COL25A1: variants seen among roughly 807,000 people sequenced by gnomAD.
The protein encoded by COL25A1 is collagen alpha-1(XXV) chain.
In COL25A1, 103 loss-of-function variants were observed where a neutral mutation model predicts 128.4. The observed-to-expected ratio is 0.80, with a 90% CI of 0.68 to 0.94. The LOEUF (loss-of-function observed/expected upper bound fraction) is 0.94, where lower values mean the gene tolerates loss of function less well. Among genes scored for constraint, COL25A1 ranks in the 40% least tolerant of loss-of-function variants. The pLI is 0.00. For missense variants in COL25A1, 745 were observed against 840.0 expected (o/e 0.89, Z 1.40); for synonymous variants, 279 against 277.2 (o/e 1.01, Z -0.06).
At chr4:108,994,358 G>A (rs373708952) in intron 6 of COL25A1, among the ~76,000 whole-genome samples, 38 of 152,344 alleles carry the variant, frequency 2.5e-4, no homozygotes, top group African/African-American at 7.0e-4. Context: ...CACTGCTAGC[G>A]CAGAAGTCTG....
At chr4:108,892,521 C>G (rs1223675164) in intron 16 of COL25A1, among the ~76,000 whole-genome samples, 1 of 152,146 alleles carries the variant, frequency 6.6e-6, no homozygotes, top group Non-Finnish European at 1.5e-5. Flanking sequence ...ATGCTGAGAG[C>G]TGGGAGATAA....
chr4:108,899,627 G>A (rs1578702372), intron 14 of COL25A1, among the ~76,000 whole-genome samples: 1 of 152,064 alleles, frequency 6.6e-6, no homozygotes, highest in East Asian at 1.9e-4. Flanking sequence ...GGTCTAGGGT[G>A]CCAGGGTAGT....
At chr4:109,185,216 G>C (rs1017598261) in intron 3 of COL25A1, among the ~76,000 whole-genome samples, 4 of 152,166 alleles carry the variant, frequency 2.6e-5, no homozygotes, top group Non-Finnish European at 5.9e-5. Flanking sequence ...GGAAATACTT[G>C]TTTATGATAG....
Position 108,890,829 on chromosome 4 carries a change from C to T in COL25A1, c.907-1096G>A, listed in dbSNP as rs1046763703. ...ACATAAGGCCTCAGGCCTCTGTACA[C>T]GGGCCACTTGCCCAGCTCCCTCAAT... On this transcript the variant is annotated intron_variant, in intron 16 of 37. Coordinates refer to ENST00000399132, the MANE Select transcript of COL25A1 (RefSeq NM_198721.4). 3.9e-5 allele frequency among the ~76,000 whole-genome samples: 6 copies of T among 152,138 alleles called. 1 individual carries two copies. The highest frequency in any genetic ancestry group is 1.3e-4 in the Admixed American group (2 of 15,276).
chr4:109,120,026 A>C (rs974642068), intron 3 of COL25A1, among the ~76,000 whole-genome samples: 1 of 152,126 alleles, frequency 6.6e-6, no homozygotes, highest in Non-Finnish European at 1.5e-5. Context: ...AGGCTAAAAA[A>C]GAAAAATCAC....
chr4:109,166,376 T>C (rs1773076250), intron 3 of COL25A1, among the ~76,000 whole-genome samples: 1 of 152,244 alleles, frequency 6.6e-6, no homozygotes, highest in Non-Finnish European at 1.5e-5. Context: ...TCTATTATTC[T>C]GTCACTTTCC....
intron 19 of COL25A1, among the ~76,000 whole-genome samples, chr4:108,870,231 G>A (rs1408304693): frequency 1.3e-5 from 2 of 152,082 alleles, no homozygotes; most frequent in African/African-American, 4.8e-5. Context: ...ACTCCAACAT[G>A]GTTGACAGAG....
At position 108,974,446 on chromosome 4, in the gene COL25A1, T is replaced by C. The variant is rs559694651; in HGVS notation, c.466-53A>G. On this transcript the variant is annotated intron_variant, in intron 7 of 37. Transcript: ENST00000399132. The stretch of plus-strand genomic sequence containing the variant: ...TTTTAGCCAAAATTTATACATGATG[T>C]TCATTAAAAAGATCAAAATGTAACA... 6 of 1,609,902 alleles carry C rather than the reference T, an allele frequency of 3.7e-6. 1 individual carries two copies. The Admixed American group carries it at 6.7e-5, about 18-fold the overall frequency.
chr4:109,154,160 T>C (rs1771811268), intron 3 of COL25A1, among the ~76,000 whole-genome samples: 1 of 152,208 alleles, frequency 6.6e-6, no homozygotes, highest in Non-Finnish European at 1.5e-5. Context: ...TTATGATAAC[T>C]CAAATCTAGG....
chr4:109,302,215 C>G lies in COL25A1; in HGVS notation c.-103G>C, dbSNP rs538054699. ...GACCCGCAGGCGTGCACCATCCCCG[C>G]TTTCTTCTCTCCTCCCAGCTGGAAG... is the stretch of plus-strand genomic sequence containing the variant. On this transcript the variant is annotated 5_prime_UTR_variant, in exon 1 of 38. Coordinates refer to ENST00000399132, the MANE Select transcript of COL25A1 (RefSeq NM_198721.4). The G allele has an allele frequency of 1.1e-3, 715 of 630,266 alleles. 1 individual carries two copies. The highest frequency in any genetic ancestry group is 1.7e-3 in the Non-Finnish European group (657 of 389,586). 39.0% of individuals were successfully genotyped at this position (630,266 alleles called of 1,614,324 possible). A position where few individuals can be genotyped will look rare whatever the true frequency, so the allele number is the denominator to read the frequency against.
intron 24 of COL25A1, among the ~76,000 whole-genome samples, chr4:108,854,450 A>T (rs1288770638): frequency 6.6e-6 from 1 of 152,138 alleles, no homozygotes; most frequent in African/African-American, 2.4e-5. Context: ...AAGGGAGAAA[A>T]TTTTTGCAAT....
At chr4:109,246,750 T>C (rs1780293627) in intron 3 of COL25A1, among the ~76,000 whole-genome samples, 2 of 152,166 alleles carry the variant, frequency 1.3e-5, no homozygotes, top group Non-Finnish European at 2.9e-5. Context: ...TCTTCATTAA[T>C]TTATTTATCT....
chr4:108,894,273 C>T (rs1288400042), intron 16 of COL25A1, among the ~76,000 whole-genome samples: 1 of 152,008 alleles, frequency 6.6e-6, no homozygotes. Context: ...GGCCTACATT[C>T]CAAAAATGAA....
intron 3 of COL25A1, among the ~76,000 whole-genome samples, chr4:109,264,814 C>T (rs1478775205): frequency 1.3e-5 from 2 of 152,160 alleles, no homozygotes; most frequent in Non-Finnish European, 2.9e-5. Flanking sequence ...TCAGCAATCC[C>T]ACTCATTCCC....
At chr4:108,914,343 C>T (rs987006031) in intron 13 of COL25A1, among the ~76,000 whole-genome samples, 1 of 152,188 alleles carries the variant, frequency 6.6e-6, no homozygotes, top group African/African-American at 2.4e-5. Flanking sequence ...TCAAAGGCTA[C>T]ACAAGAGGTG....
In COL25A1 at chr4:109,081,855, C is replaced by T. The variant is rs1192231075; in HGVS notation, c.368-31676G>A. On this transcript the variant is annotated intron_variant, in intron 3 of 37. Coordinates refer to ENST00000399132, the MANE Select transcript of COL25A1 (RefSeq NM_198721.4). ...AGCAGCTGGGATTACAGGCATGTGC[C>T]ACCACGCCCGGCTAATTTTTGTATT... Among the ~76,000 whole-genome samples, 4 of 152,078 alleles carry T rather than the reference C, an allele frequency of 2.6e-5. No individual in the cohort carries two copies. The East Asian group carries it at 5.8e-4, about 22-fold the overall frequency.
chr4:108,990,075 A>G (rs377487164), intron 6 of COL25A1, among the ~76,000 whole-genome samples: 1 of 151,272 alleles, frequency 6.6e-6, no homozygotes, highest in African/African-American at 2.4e-5. Context: ...TTAGCCAGGT[A>G]TAGTGGCGGG....
At position 109,071,918 on chromosome 4, in the gene COL25A1, T is replaced by C. The variant is rs1307994196; in HGVS notation, c.368-21739A>G. ...TTCCTCAAGGATCTAGAACTAGAAATACCATTTGACCCAGCCATCCCATTA... is the reference window on the plus strand; with the variant it reads ...TTCCTCAAGGATCTAGAACTAGAAACACCATTTGACCCAGCCATCCCATTA... On this transcript the variant is annotated intron_variant, in intron 3 of 37. Coordinates refer to ENST00000399132, the MANE Select transcript of COL25A1 (RefSeq NM_198721.4). Among the ~76,000 whole-genome samples the C allele has an allele frequency of 2.0e-5, 3 of 152,198 alleles. No homozygotes were observed. The East Asian group carries it at 5.8e-4, about 29-fold the overall frequency.
intron 27 of COL25A1, 114 bp downstream of exon 27, chr4:108,848,645 A>G: frequency 1.4e-6 from 1 of 736,568 alleles, no homozygotes. Flanking sequence ...ACAAATGGTT[A>G]AAAGAAAGAG....
Sources: allele counts gnomAD v4.1 joint callset (sites outside exome capture counted in the v4.1 genomes callset), GRCh38; gene constraint gnomAD v4.1.1; transcripts MANE v1.5; gene names NCBI Gene and HGNC (gene_info 2026-07-23, HGNC 2026-07-21).